Variants in NFE2L3 observed in about 807,000 individuals in gnomAD.
The protein encoded by NFE2L3 is NFE2 like bZIP transcription factor 3.
NFE2L3 carries 18 observed loss-of-function variants against 23.5 expected under a neutral mutation model. That is an observed-to-expected ratio of 0.77 (90% CI 0.53 to 1.13). NFE2L3 has a LOEUF of 1.13. Among genes scored for constraint, NFE2L3 ranks in the 50% most tolerant of loss-of-function variants. NFE2L3 has a pLI of 0.00. For synonymous variants in NFE2L3, 424 were observed against 354.5 expected, an observed-to-expected ratio of 1.20 and a Z score of -2.20; for missense variants, 1,152 against 877.2, an observed-to-expected ratio of 1.31 and a Z score of -3.96.
Position 26,186,383 on chromosome 7 carries a change from A to G in NFE2L3, c.*600A>G, listed in dbSNP as rs1429923572. On this transcript the variant is annotated 3_prime_UTR_variant, in exon 4 of 4. Transcript: ENST00000056233. Reference sequence around the variant, plus strand: ...CATTCAGGAATATAGGTGAATAACAAATAAGGCAGCATAGCAAACTGCTCA... The same window carrying G: ...CATTCAGGAATATAGGTGAATAACAGATAAGGCAGCATAGCAAACTGCTCA... The G allele has an allele frequency of 6.6e-6, 1 of 152,236 alleles. No homozygotes were observed. The highest frequency in any genetic ancestry group is 1.5e-5 in the Non-Finnish European group (1 of 68,072). The allele number at this position is 152,236 out of a possible 1,614,324, so 9.4% of individuals were successfully genotyped here. A position where few individuals can be genotyped will look rare whatever the true frequency, so the allele number is the denominator to read the frequency against.
At position 26,185,509 on chromosome 7, in the gene NFE2L3, T is replaced by A; in HGVS notation, c.1811T>A (p.Leu604Ter). The change falls in exon 4 of 4, where the codon TTG (leucine) becomes TAG (stop). Residue 604 changes from leucine to a stop codon, truncating the protein, a stop_gained. Transcript: ENST00000056233. LOFTEE classifies it low-confidence loss of function (END_TRUNC). The part of the protein sequence containing the change: ...NCRKRKLDII[L>*]NLEDDVCNLQ... Reference sequence around the variant, plus strand: ...CGTAAACGCAAATTGGACATAATTTTGAATTTAGAAGATGATGTATGTAAC... The same window carrying A: ...CGTAAACGCAAATTGGACATAATTTAGAATTTAGAAGATGATGTATGTAAC... 14 of 1,613,988 alleles carry A rather than the reference T, an allele frequency of 8.7e-6. No homozygotes were observed. The highest frequency in any genetic ancestry group is 1.2e-5 in the Non-Finnish European group (14 of 1,179,852).
At chr7:26,182,901 C>G (rs1223041822) in intron 2 of NFE2L3, among the ~76,000 whole-genome samples, 1 of 152,176 alleles carries the variant, frequency 6.6e-6, no homozygotes, top group Non-Finnish European at 1.5e-5. Flanking sequence ...TCAGGCAGTC[C>G]TCCTGCCTCA....
At position 26,185,111 on chromosome 7, in the gene NFE2L3, A is replaced by G. The variant is rs370814017; in HGVS notation, c.1413A>G (p.Glu471=). 6 of 1,613,900 alleles carry G rather than the reference A, an allele frequency of 3.7e-6. No homozygotes were observed. Among genetic ancestry groups the G allele is most frequent in the Non-Finnish European group, 5.1e-6 (6 of 1,179,838 alleles). ...LEGAVGGYYP[E]PSKLCHLDQS... ...GTGCTGTAGGTGGCTACTACCCAGAACCCAGTAAGCTTTGTCACTTGGATC... is the reference window on the plus strand; with the variant it reads ...GTGCTGTAGGTGGCTACTACCCAGAGCCCAGTAAGCTTTGTCACTTGGATC... Residue 471 remains glutamate (E), a synonymous_variant, in exon 4 of 4, where the codon GAA becomes GAG. Coordinates refer to ENST00000056233, the MANE Select transcript of NFE2L3 (RefSeq NM_004289.7).
intron 1 of NFE2L3, among the ~76,000 whole-genome samples, chr7:26,165,434 G>C: frequency 6.6e-6 from 1 of 152,214 alleles, no homozygotes. Context: ...GTTCACTCAT[G>C]ATTTGGCTCT....
At chr7:26,165,621 T>C (rs949499526) in intron 1 of NFE2L3, among the ~76,000 whole-genome samples, 1 of 152,192 alleles carries the variant, frequency 6.6e-6, no homozygotes, top group Non-Finnish European at 1.5e-5. Context: ...CCTCTTTTCC[T>C]AATTGAATAC....
chr7:26,186,559 C>T lies in NFE2L3; in HGVS notation c.*776C>T, dbSNP rs1215216464. 6.6e-6 allele frequency: 1 copy of T among 152,172 alleles called. No homozygotes were observed. Among genetic ancestry groups the T allele is most frequent in the African/African-American group, 2.4e-5 (1 of 41,448 alleles). The allele number at this position is 152,172 out of a possible 1,614,324, so 9.4% of individuals were successfully genotyped here. ...CTGGTAGTTTGAGCCACAGGCCTTC[C>T]TCATGTAACCAGAGACAGAATGGGC... On this transcript the variant is annotated 3_prime_UTR_variant, in exon 4 of 4. Coordinates refer to ENST00000056233, the MANE Select transcript of NFE2L3 (RefSeq NM_004289.7).
chr7:26,175,503 T>C (rs1288497528), intron 1 of NFE2L3, among the ~76,000 whole-genome samples: 1 of 151,398 alleles, frequency 6.6e-6, no homozygotes, highest in Non-Finnish European at 1.5e-5. Context: ...TTCCGCCGGG[T>C]GCGGTGGCTC....
intron 1 of NFE2L3, among the ~76,000 whole-genome samples, chr7:26,164,635 T>C (rs1784220220): frequency 1.3e-5 from 2 of 152,252 alleles, no homozygotes; most frequent in South Asian, 2.1e-4. Flanking sequence ...GTAGTTTCTT[T>C]TGCTGTGCAG....
chr7:26,152,329 G>C lies in NFE2L3; in HGVS notation c.-170G>C, dbSNP rs1784008660. The C allele has an allele frequency of 5.9e-6, 2 of 338,192 alleles. No individual in the cohort carries two copies. The highest frequency in any genetic ancestry group is 2.2e-5 in the African/African-American group (1 of 45,890). The allele number at this position is 338,192 out of a possible 1,614,324, so 20.9% of individuals were successfully genotyped here. On this transcript the variant is annotated 5_prime_UTR_variant, in exon 1 of 4. Transcript: ENST00000056233. This position sits in a 1 kb window ranked among gnomAD's most constrained non-coding sequence, Gnocchi z 4.4. Reference sequence around the variant, plus strand: ...CCGGCTGCCGAGGGAACGCCTTTGTGCCCGGTGCTGGGAACCCGCGACGGC... The same window carrying C: ...CCGGCTGCCGAGGGAACGCCTTTGTCCCCGGTGCTGGGAACCCGCGACGGC...
At chr7:26,165,384 C>T (rs2128098266) in intron 1 of NFE2L3, among the ~76,000 whole-genome samples, 1 of 152,252 alleles carries the variant, frequency 6.6e-6, no homozygotes, top group East Asian at 1.9e-4. Flanking sequence ...AAGTTGGATT[C>T]CTATGTATTT....
intron 1 of NFE2L3, among the ~76,000 whole-genome samples, chr7:26,162,911 C>T (rs1784194924): frequency 6.6e-6 from 1 of 152,084 alleles, no homozygotes; most frequent in African/African-American, 2.4e-5. Flanking sequence ...TGGGTTTCAC[C>T]ATGTTGCCCA....
Position 26,185,852 on chromosome 7 carries a change from A to G in NFE2L3, c.*69A>G. ...CAGAAACTGATTATTTGGATCAGAA[A>G]CCATTGAAACTGCTTCAAGAATTGT... On this transcript the variant is annotated 3_prime_UTR_variant, in exon 4 of 4. Transcript: ENST00000056233. 8.0e-7 allele frequency: 1 copy of G among 1,246,528 alleles called. No individual in the cohort carries two copies. The highest frequency in any genetic ancestry group is 1.1e-6 in the Non-Finnish European group (1 of 908,612). 77.2% of individuals were successfully genotyped at this position (1,246,528 alleles called of 1,614,324 possible).
rs1782397364 is a variant in NFE2L3, at chr7:26,183,795, C to T, written c.834+11C>T. The T allele has an allele frequency of 1.1e-5, 18 of 1,594,604 alleles. No homozygotes were observed. The highest frequency in any genetic ancestry group is 1.5e-5 in the Non-Finnish European group (18 of 1,162,198). ...GAAAATTCACTGGAGGTAATTGGAA[C>T]TTTGGCTTTTATCCTCGCAGGAACA... On this transcript the variant is annotated intron_variant, in intron 3 of 3. Transcript: ENST00000056233.
chr7:26,176,931 CA>C (rs1448630432), intron 1 of NFE2L3, among the ~76,000 whole-genome samples: 1 of 111,906 alleles, frequency 8.9e-6, no homozygotes, highest in African/African-American at 3.4e-5. Flanking sequence ...GATGGGCGGC[CA>C]GGCAGAGATG....
rs1310701215 is a variant in NFE2L3 at position 26,157,415 on chromosome 7, G to C, written c.570+4347G>C. Among the ~76,000 whole-genome samples the C allele has an allele frequency of 3.3e-5, 5 of 151,966 alleles. No individual in the cohort carries two copies. The South Asian group carries it at 6.3e-4, about 19-fold the overall frequency. On this transcript the variant is annotated intron_variant, in intron 1 of 3. Coordinates refer to ENST00000056233, the MANE Select transcript of NFE2L3 (RefSeq NM_004289.7). ...GCTGGTCTCAAACTCCTGGGCTCAAGTACAGGCATGAGCTACTGCACCTGG... is the reference window on the plus strand; with the variant it reads ...GCTGGTCTCAAACTCCTGGGCTCAACTACAGGCATGAGCTACTGCACCTGG...
At chr7:26,176,264 A>G (rs926189502) in intron 1 of NFE2L3, among the ~76,000 whole-genome samples, 23 of 152,250 alleles carry the variant, frequency 1.5e-4, no homozygotes, top group African/African-American at 5.5e-4. Context: ...ACTTCTTTCT[A>G]CACAGACACA....
intron 1 of NFE2L3, among the ~76,000 whole-genome samples, chr7:26,168,712 A>G (rs1322252914): frequency 6.6e-6 from 1 of 151,962 alleles, no homozygotes; most frequent in Non-Finnish European, 1.5e-5. Context: ...TTGTATAATG[A>G]CTTCATTTCC....
In NFE2L3 at chr7:26,184,758, C is replaced by T; in HGVS notation, c.1060C>T (p.Gln354Ter). The T allele has an allele frequency of 1.9e-6, 3 of 1,613,932 alleles. No individual in the cohort carries two copies. The highest frequency in any genetic ancestry group is 2.5e-6 in the Non-Finnish European group (3 of 1,179,846). ...AAATTCTCATACCACCAATCCTGAG[C>T]AAACCCTTCCTGGAACTAATTTGAC... ...QLNSHTTNPEQTLPGTNLTGF... is the reference protein window; with the variant it reads ...QLNSHTTNPE Residue 354 changes from glutamine (Q) to a stop codon, truncating the protein, a stop_gained, in exon 4 of 4, where the codon CAA becomes TAA. Transcript: ENST00000056233. LOFTEE classifies it low-confidence loss of function (END_TRUNC).
chr7:26,175,545 A>AG (rs1227300751), intron 1 of NFE2L3, among the ~76,000 whole-genome samples: 2 of 152,044 alleles, frequency 1.3e-5, no homozygotes, highest in Non-Finnish European at 2.9e-5. Context: ...TGGGAGGCCG[A>AG]GGCGGGCGGA....
Sources: allele counts gnomAD v4.1 joint callset (sites outside exome capture counted in the v4.1 genomes callset), GRCh38; gene constraint gnomAD v4.1.1; non-coding constraint Gnocchi (gnomAD v3.1); transcripts MANE v1.5; gene names NCBI Gene and HGNC (gene_info 2026-07-23, HGNC 2026-07-21).